The following TMEM132D variants were observed in gnomAD, a reference collection of about 807,000 sequenced individuals.
The protein encoded by TMEM132D is transmembrane protein 132D.
A neutral mutation model predicts 62.3 loss-of-function variants in TMEM132D; 21 were observed. That is an observed-to-expected ratio of 0.34 (90% CI 0.24 to 0.49). The LOEUF is 0.49. Ranked by LOEUF, TMEM132D falls within the 20% of genes least tolerant of loss-of-function variation. The pLI is 0.99. For synonymous variants in TMEM132D, 621 were observed against 575.6 expected (o/e 1.08, Z -1.13); for missense variants, 1,346 against 1,402.8 (o/e 0.96, Z 0.65).
chr12:129,309,988 G>C (rs1293881550), intron 4 of TMEM132D, among the ~76,000 whole-genome samples: 1 of 152,096 alleles, frequency 6.6e-6, no homozygotes, highest in Admixed American at 6.5e-5. Context: ...GTCAGAAAAG[G>C]AAGCCAGACT....
intron 3 of TMEM132D, among the ~76,000 whole-genome samples, chr12:129,461,302 A>G (rs1350475712): frequency 1.3e-5 from 2 of 152,178 alleles, no homozygotes; most frequent in Non-Finnish European, 2.9e-5. Context: ...TCTGGGAACC[A>G]AGCCCAGGTA....
chr12:129,371,825 T>A lies in TMEM132D; in HGVS notation c.1116-34008A>T, dbSNP rs73151029. On this transcript the variant is annotated intron_variant, in intron 3 of 8. Transcript: ENST00000422113. This position sits in a 1 kb window ranked among gnomAD's most constrained non-coding sequence, Gnocchi z 4.3. ...ATATCAAGAGACTTTCCAAGTCTTG[T>A]CTGTCCCCATGTTTCTTGCTGTGTC... 7.5e-4 allele frequency among the ~76,000 whole-genome samples: 114 copies of A among 152,326 alleles called. No individual in the cohort carries two copies. Among genetic ancestry groups the A allele is most frequent in the Non-Finnish European group, 1.1e-3 (77 of 68,020 alleles).
intron 4 of TMEM132D, among the ~76,000 whole-genome samples, chr12:129,242,233 T>C (rs1479119126): frequency 1.3e-5 from 2 of 152,244 alleles, no homozygotes; most frequent in African/African-American, 4.8e-5. Context: ...CCTCCATTAT[T>C]CAATGGGCTT....
intron 1 of TMEM132D, among the ~76,000 whole-genome samples, chr12:129,821,293 T>C (rs1207975589): frequency 6.6e-6 from 1 of 152,180 alleles, no homozygotes; most frequent in Non-Finnish European, 1.5e-5. Context: ...TCCTGGAGAA[T>C]TCCACGGTGT....
At chr12:129,815,559 C>A (rs1872321209) in intron 1 of TMEM132D, among the ~76,000 whole-genome samples, 1 of 152,148 alleles carries the variant, frequency 6.6e-6, no homozygotes, top group Non-Finnish European at 1.5e-5. Context: ...CACCATCTAG[C>A]CGATATTTTA....
intron 5 of TMEM132D, among the ~76,000 whole-genome samples, chr12:129,201,763 T>C (rs1209262340): frequency 6.6e-6 from 1 of 150,648 alleles, no homozygotes; most frequent in Non-Finnish European, 1.5e-5. Context: ...GAGAGAAAGA[T>C]TGGGGGTAGG....
At chr12:129,226,607 C>A (rs113201421) in intron 4 of TMEM132D, among the ~76,000 whole-genome samples, 2 of 152,192 alleles carry the variant, frequency 1.3e-5, no homozygotes, top group African/African-American at 2.4e-5. Flanking sequence ...GTAATTGCTG[C>A]CTTATAGGAA....
chr12:129,518,332 A>C (rs1292501488), intron 3 of TMEM132D, among the ~76,000 whole-genome samples: 1 of 152,100 alleles, frequency 6.6e-6, no homozygotes, highest in Non-Finnish European at 1.5e-5. Context: ...GAGAACACAC[A>C]TTTTGTTTCG....
intron 2 of TMEM132D, among the ~76,000 whole-genome samples, chr12:129,599,460 A>G (rs780237494): frequency 6.6e-6 from 1 of 152,234 alleles, no homozygotes; most frequent in Non-Finnish European, 1.5e-5. Flanking sequence ...AACCTAAAAC[A>G]TGACTACTGA....
intron 2 of TMEM132D, among the ~76,000 whole-genome samples, chr12:129,670,526 C>T (rs1880478375): frequency 6.6e-6 from 1 of 152,090 alleles, no homozygotes; most frequent in Admixed American, 6.5e-5. Context: ...AAGACAGCCT[C>T]GACTCCCTGT....
intron 1 of TMEM132D, among the ~76,000 whole-genome samples, chr12:129,706,020 T>C (rs1881498605): frequency 6.6e-6 from 1 of 152,112 alleles, no homozygotes; most frequent in Admixed American, 6.5e-5. Context: ...TCTATGCTTA[T>C]AGATTAGTGG....
intron 4 of TMEM132D, among the ~76,000 whole-genome samples, chr12:129,326,304 T>A (rs1479465299): frequency 1.3e-5 from 2 of 152,116 alleles, no homozygotes; most frequent in Non-Finnish European, 2.9e-5. Flanking sequence ...AGGGGGGGAT[T>A]TTCAACCCCC....
chr12:129,674,609 G>A (rs983265855), intron 2 of TMEM132D, among the ~76,000 whole-genome samples: 19 of 152,184 alleles, frequency 1.2e-4, no homozygotes, highest in African/African-American at 1.9e-4. Context: ...GCACTATCTC[G>A]GCTGACTGCA....
chr12:129,564,534 T>C (rs1473686875), intron 2 of TMEM132D, among the ~76,000 whole-genome samples: 3 of 152,176 alleles, frequency 2.0e-5, no homozygotes, highest in African/African-American at 7.2e-5. Flanking sequence ...CACTCAACTT[T>C]CTTTTACCCT....
At chr12:129,670,887 G>A (rs1880485910) in intron 2 of TMEM132D, among the ~76,000 whole-genome samples, 1 of 152,148 alleles carries the variant, frequency 6.6e-6, no homozygotes, top group African/African-American at 2.4e-5. Context: ...TGAGCCGGAG[G>A]CAACCAAGAG....
Position 129,302,737 on chromosome 12 carries a change from T to C in TMEM132D, c.1299+34897A>G, listed in dbSNP as rs183306622. ...TAACCCCATAAGCACGTGTTCAGTG[T>C]CACCTCCTTTTACATCCACCAACAG... On this transcript the variant is annotated intron_variant, in intron 4 of 8. Coordinates refer to ENST00000422113, the MANE Select transcript of TMEM132D (RefSeq NM_133448.3). Among the ~76,000 whole-genome samples, 136 of 152,316 alleles carry C rather than the reference T, an allele frequency of 8.9e-4. 2 individuals are homozygous for C. The highest frequency in any genetic ancestry group is 8.6e-3 in the Admixed American group (131 of 15,310).
chr12:129,551,474 T>A (rs10847902), intron 2 of TMEM132D, among the ~76,000 whole-genome samples: 28,232 of 152,142 alleles, frequency 0.19, 3,036 homozygotes, highest in East Asian at 0.42. Flanking sequence ...CCTAATGTAA[T>A]TTTACTCCAT....
At chr12:129,165,502 AGGT>A (rs1047961303) in intron 5 of TMEM132D, among the ~76,000 whole-genome samples, 1 of 152,138 alleles carries the variant, frequency 6.6e-6, no homozygotes, top group African/African-American at 2.4e-5. Context: ...ATGAATAGAT[AGGT>A]GTGTGACAAA....
intron 5 of TMEM132D, among the ~76,000 whole-genome samples, chr12:129,150,423 A>G (rs74693404): frequency 0.019 from 2,917 of 152,254 alleles, 91 homozygotes; most frequent in African/African-American, 0.067. Flanking sequence ...TTGTGTTTTT[A>G]TTACTTTTCA....
Sources: allele counts gnomAD v4.1 joint callset (sites outside exome capture counted in the v4.1 genomes callset), GRCh38; gene constraint gnomAD v4.1.1; non-coding constraint Gnocchi (gnomAD v3.1); transcripts MANE v1.5; gene names NCBI Gene and HGNC (gene_info 2026-07-23, HGNC 2026-07-21).